NTM: variants seen among roughly 807,000 people sequenced by gnomAD.
NTM encodes neurotrimin.
Under a neutral mutation model 42.1 loss-of-function variants are expected in NTM, and 13 were observed. The observed-to-expected ratio is 0.31, with a 90% CI of 0.20 to 0.49. The LOEUF is 0.49. Among genes scored for constraint, NTM ranks in the 20% least tolerant of loss-of-function variants. NTM has a pLI of 0.99. For synonymous variants in NTM, 187 were observed against 179.2 expected (o/e 1.04, Z -0.35); for missense variants, 373 against 452.8 (o/e 0.82, Z 1.60).
At chr11:132,200,948 C>G (rs767003130) in intron 3 of NTM, among the ~76,000 whole-genome samples, 10 of 152,238 alleles carry the variant, frequency 6.6e-5, no homozygotes, top group Non-Finnish European at 1.5e-4. Flanking sequence ...TGTAGAAATA[C>G]AAACTTCATC....
intron 2 of NTM, among the ~76,000 whole-genome samples, chr11:131,917,734 C>T (rs931710203): frequency 1.3e-5 from 2 of 152,160 alleles, no homozygotes; most frequent in Admixed American, 1.3e-4. Flanking sequence ...GCTCCCACTG[C>T]CCTGCCCCCT....
chr11:132,212,987 G>C (rs539094861), intron 4 of NTM, among the ~76,000 whole-genome samples: 31 of 151,920 alleles, frequency 2.0e-4, no homozygotes, highest in Admixed American at 1.7e-3. Flanking sequence ...CAATATAACA[G>C]GTGGTATTAA....
At chr11:131,751,539 G>A (rs1055206974) in intron 1 of NTM, among the ~76,000 whole-genome samples, 68 of 150,936 alleles carry the variant, frequency 4.5e-4, no homozygotes, top group Non-Finnish European at 7.4e-4. Flanking sequence ...GCAGTGGGCC[G>A]AGATACTGCC....
At chr11:132,099,171 G>A (rs1336460652) in intron 2 of NTM, among the ~76,000 whole-genome samples, 1 of 152,100 alleles carries the variant, frequency 6.6e-6, no homozygotes, top group African/African-American at 2.4e-5. Flanking sequence ...AGAGATAAAG[G>A]GGGAAAAACT....
intron 1 of NTM, among the ~76,000 whole-genome samples, chr11:131,727,732 A>C (rs764405683): frequency 6.6e-6 from 1 of 152,142 alleles, no homozygotes; most frequent in Non-Finnish European, 1.5e-5. Flanking sequence ...AGAGGTCTGC[A>C]TTGCTCTCCT....
At chr11:131,668,649 A>G (rs1191283992) in intron 1 of NTM, among the ~76,000 whole-genome samples, 1 of 152,176 alleles carries the variant, frequency 6.6e-6, no homozygotes, top group African/African-American at 2.4e-5. Flanking sequence ...TGAGTGAGGG[A>G]ATTAAATTAA....
At chr11:131,808,093 C>T (rs2092588096) in intron 1 of NTM, among the ~76,000 whole-genome samples, 1 of 152,154 alleles carries the variant, frequency 6.6e-6, no homozygotes, top group Admixed American at 6.5e-5. Context: ...ACAGGTGACT[C>T]ACTGGGTCAC....
chr11:131,911,375 A>C (rs926332225), intron 1 of NTM, 189 bp from the exon 2 acceptor site: 1 of 1,559,072 alleles, frequency 6.4e-7, no homozygotes, highest in Non-Finnish European at 8.7e-7. Context: ...CCGCGGGTTC[A>C]CCGCTCAGTC....
chr11:132,188,354 G>A (rs555451881), intron 3 of NTM, among the ~76,000 whole-genome samples: 1 of 152,268 alleles, frequency 6.6e-6, no homozygotes, highest in African/African-American at 2.4e-5. Context: ...AGAAACCTGT[G>A]TCTTGTCTCC....
At chr11:131,906,905 C>T (rs951975026) in intron 1 of NTM, among the ~76,000 whole-genome samples, 2 of 152,116 alleles carry the variant, frequency 1.3e-5, no homozygotes, top group Non-Finnish European at 2.9e-5. Flanking sequence ...AGATGAACCA[C>T]GATTTTATTT....
chr11:132,121,773 T>C (rs1453142561), intron 2 of NTM, among the ~76,000 whole-genome samples: 1 of 152,216 alleles, frequency 6.6e-6, no homozygotes, highest in East Asian at 1.9e-4. Flanking sequence ...CCAATAGTTT[T>C]CATGCATAAT....
intron 1 of NTM, among the ~76,000 whole-genome samples, chr11:131,690,827 G>A (rs1052655259): frequency 1.3e-5 from 2 of 152,210 alleles, no homozygotes; most frequent in Non-Finnish European, 2.9e-5. Context: ...CACACGGCGG[G>A]TGAAGACGGG....
intron 1 of NTM, among the ~76,000 whole-genome samples, chr11:131,383,781 A>G (rs1293816290): frequency 6.6e-6 from 1 of 152,196 alleles, no homozygotes; most frequent in African/African-American, 2.4e-5. Context: ...GCCAAACAAC[A>G]TGATTTGGGT....
chr11:131,519,881 G>A (rs1327715709), intron 1 of NTM, among the ~76,000 whole-genome samples: 2 of 148,522 alleles, frequency 1.3e-5, no homozygotes, highest in Non-Finnish European at 3.0e-5. Context: ...GTTATGACCA[G>A]CCCAACTCTT....
intron 1 of NTM, among the ~76,000 whole-genome samples, chr11:131,910,476 C>G (rs1324627190): frequency 6.6e-6 from 1 of 151,350 alleles, no homozygotes; most frequent in Non-Finnish European, 1.5e-5. Context: ...GCCCCGCGCC[C>G]CGCGCCCTCC....
intron 1 of NTM, among the ~76,000 whole-genome samples, chr11:131,763,709 C>CTCTTT (rs2084620795): frequency 8.4e-5 from 6 of 71,382 alleles, no homozygotes; most frequent in African/African-American, 3.4e-4. Context: ...ATCTCTCTCT[C>CTCTTT]TTTTTTTTTT....
chr11:131,975,547 A>T (rs2064202552), intron 2 of NTM, among the ~76,000 whole-genome samples: 1 of 150,952 alleles, frequency 6.6e-6, no homozygotes, highest in East Asian at 1.9e-4. Context: ...GGAGGGGGGA[A>T]AAAAAACCTC....
chr11:131,569,465 T>G (rs547795098), intron 1 of NTM, among the ~76,000 whole-genome samples: 3 of 152,298 alleles, frequency 2.0e-5, no homozygotes, highest in African/African-American at 7.2e-5. Context: ...CTTTCTGTCT[T>G]TATAAATTTA....
At chr11:131,446,151 T>C (rs76312517) in intron 1 of NTM, among the ~76,000 whole-genome samples, 133 of 152,346 alleles carry the variant, frequency 8.7e-4, no homozygotes, top group Non-Finnish European at 1.6e-3. Context: ...GGCTATCTTA[T>C]AGATCAGAGA....
Sources: allele counts gnomAD v4.1 joint callset (sites outside exome capture counted in the v4.1 genomes callset), GRCh38; gene constraint gnomAD v4.1.1; transcripts MANE v1.5; gene names NCBI Gene and HGNC (gene_info 2026-07-23, HGNC 2026-07-21).